Variants in SPIDR observed in about 807,000 individuals in gnomAD.
SPIDR encodes DNA repair-scaffolding protein.
Under a neutral mutation model 104.6 loss-of-function variants are expected in SPIDR, and 93 were observed. The observed-to-expected ratio is 0.89, with a 90% CI of 0.75 to 1.06. The LOEUF (loss-of-function observed/expected upper bound fraction) is 1.06, where lower values mean the gene tolerates loss of function less well. Among genes scored for constraint, SPIDR ranks in the 50% least tolerant of loss-of-function variants. The pLI is 0.00. For missense variants in SPIDR, 1,154 were observed against 1,111.2 expected (o/e 1.04, Z -0.55); for synonymous variants, 431 against 416.9 (o/e 1.03, Z -0.41).
At chr8:47,509,029 CG>C (rs542049938) in intron 8 of SPIDR, among the ~76,000 whole-genome samples, 2 of 152,194 alleles carry the variant, frequency 1.3e-5, no homozygotes, top group South Asian at 4.1e-4. Flanking sequence ...GAGAGAAGAG[CG>C]GCTATTGAGG....
intron 19 of SPIDR, among the ~76,000 whole-genome samples, chr8:47,735,064 T>G (rs908452549): frequency 1.4e-4 from 21 of 151,890 alleles, no homozygotes; most frequent in Non-Finnish European, 3.1e-4. Context: ...ATGGGGTAGT[T>G]CCTTCACTTG....
At chr8:47,577,267 C>G (rs1386095768) in intron 8 of SPIDR, among the ~76,000 whole-genome samples, 1 of 152,242 alleles carries the variant, frequency 6.6e-6, no homozygotes, top group African/African-American at 2.4e-5. Context: ...AATCCTATAG[C>G]TGTCCTGAGT....
chr8:47,661,662 C>G (rs2154463664), intron 10 of SPIDR, among the ~76,000 whole-genome samples: 1 of 152,346 alleles, frequency 6.6e-6, no homozygotes, highest in African/African-American at 2.4e-5. Flanking sequence ...CAGAGCACAA[C>G]CACACACAGT....
intron 8 of SPIDR, among the ~76,000 whole-genome samples, chr8:47,455,716 A>G (rs1041750849): frequency 4.3e-4 from 65 of 152,188 alleles, no homozygotes; most frequent in Non-Finnish European, 1.5e-4. Context: ...TATTATTATC[A>G]GACAAAATTG....
chr8:47,589,532 A>C (rs1008963164), intron 8 of SPIDR, among the ~76,000 whole-genome samples: 6 of 152,048 alleles, frequency 3.9e-5, no homozygotes, highest in African/African-American at 1.4e-4. Flanking sequence ...CTCAAAACAA[A>C]AAAAAAAAAT....
chr8:47,352,144 G>C (rs1228409339), intron 5 of SPIDR, among the ~76,000 whole-genome samples: 4 of 151,990 alleles, frequency 2.6e-5, no homozygotes, highest in African/African-American at 9.7e-5. Flanking sequence ...GGGCGTGATG[G>C]TGCGTGCCTG....
At chr8:47,411,896 A>G (rs2063581944) in intron 7 of SPIDR, among the ~76,000 whole-genome samples, 1 of 152,186 alleles carries the variant, frequency 6.6e-6, no homozygotes, top group South Asian at 2.1e-4. Context: ...TCCCAGCACC[A>G]TTTATTAAAT....
At chr8:47,625,648 G>A (rs1160061587) in intron 10 of SPIDR, among the ~76,000 whole-genome samples, 2 of 152,036 alleles carry the variant, frequency 1.3e-5, no homozygotes, top group African/African-American at 2.4e-5. Context: ...TTGCTTCAAA[G>A]AGAATAAAAT....
intron 15 of SPIDR, chr8:47,713,247 C>T: frequency 1.6e-6 from 1 of 612,304 alleles, no homozygotes; most frequent in Non-Finnish European, 2.7e-6. Flanking sequence ...TTTATTGAGT[C>T]ATAATTCACA....
rs143053353 is a variant in SPIDR at position 47,372,411 on chromosome 8, G to A, written c.526-23965G>A. On this transcript the variant is annotated intron_variant, in intron 5 of 19. Coordinates refer to ENST00000297423, the MANE Select transcript of SPIDR (RefSeq NM_001080394.4). ...AGTCTGAGGTGGGCGGATCACCTGA[G>A]GTGAGGAGTTCGAGACCAGCCTGAC... Among the ~76,000 whole-genome samples the A allele has an allele frequency of 4.1e-3, 617 of 152,134 alleles. 5 individuals are homozygous for A. The highest frequency in any genetic ancestry group is 0.014 in the African/African-American group (583 of 41,486).
intron 8 of SPIDR, among the ~76,000 whole-genome samples, chr8:47,447,414 A>T (rs547881585): frequency 6.6e-6 from 1 of 151,944 alleles, no homozygotes; most frequent in Non-Finnish European, 1.5e-5. Flanking sequence ...GGGTTTCACC[A>T]TGTTGGCCAG....
chr8:47,408,034 A>G (rs967787956), intron 7 of SPIDR, 73 bp downstream of exon 7: 67 of 776,496 alleles, frequency 8.6e-5, no homozygotes, highest in Non-Finnish European at 8.1e-6. Flanking sequence ...ACATTAAAAT[A>G]TATGAAGTTA....
chr8:47,397,396 C>G (rs782387371), intron 6 of SPIDR, among the ~76,000 whole-genome samples: 1 of 151,700 alleles, frequency 6.6e-6, no homozygotes, highest in Non-Finnish European at 1.5e-5. Context: ...CACAGGAGGC[C>G]GAGGCAGGAG....
chr8:47,552,289 G>A (rs1277330614), intron 8 of SPIDR, among the ~76,000 whole-genome samples: 1 of 152,166 alleles, frequency 6.6e-6, no homozygotes, highest in African/African-American at 2.4e-5. Flanking sequence ...TATTAGGTCT[G>A]CTAGGTGCAG....
chr8:47,351,639 A>G (rs1236167435), intron 5 of SPIDR, among the ~76,000 whole-genome samples: 3 of 152,208 alleles, frequency 2.0e-5, no homozygotes, highest in East Asian at 1.9e-4. Flanking sequence ...TGTGGATTCA[A>G]TCAACCATGG....
chr8:47,261,057 G>T, intron 1 of SPIDR, 66 bp downstream of exon 1: 1 of 1,223,248 alleles, frequency 8.2e-7, no homozygotes, highest in Non-Finnish European at 1.0e-6. Flanking sequence ...GCGGGCCGGC[G>T]CGGGGCTGGC....
At chr8:47,511,698 T>A (rs2082350627) in intron 8 of SPIDR, 1 of 977,270 alleles carries the variant, frequency 1.0e-6, no homozygotes, top group Admixed American at 1.7e-5. Context: ...CTCCGGCAAA[T>A]GGTCTTGGTG....
At position 47,280,002 on chromosome 8, in the gene SPIDR, C is replaced by T; in HGVS notation, c.174C>T (p.Asn58=). 6.2e-7 allele frequency: 1 copy of T among 1,613,626 alleles called. No homozygotes were observed. Among genetic ancestry groups the T allele is most frequent in the African/African-American group, 1.3e-5 (1 of 75,014 alleles). ...TCAGGTGTGGAGAAGGGTTTCAGAA[C>T]ACTTCTGGGAATCCGGTAAAGTATC... ...AWLRCGEGFQ[N]TSGNPSLTAE... Residue 58 remains asparagine, a synonymous_variant, in exon 2 of 20, where the codon AAC becomes AAT. Transcript: ENST00000297423.
chr8:47,407,012 T>C (rs2062851462), intron 6 of SPIDR, among the ~76,000 whole-genome samples: 1 of 152,270 alleles, frequency 6.6e-6, no homozygotes, highest in African/African-American at 2.4e-5. Context: ...ATAGTGGTAA[T>C]TAACAACTGA....
Sources: gnomAD v4.1 joint callset for allele counts (sites outside exome capture counted in the v4.1 genomes callset) on GRCh38, gnomAD v4.1.1 for gene constraint, MANE v1.5 for transcripts, NCBI Gene and HGNC (gene_info 2026-07-23, HGNC 2026-07-21) for gene names.